Variants in FSTL4 observed in about 807,000 individuals in gnomAD.
The protein encoded by FSTL4 is follistatin like 4, also known as follistatin-related protein 4.
Under a neutral mutation model 78.2 loss-of-function variants are expected in FSTL4, and 28 were observed. The observed-to-expected ratio is 0.36, with a 90% CI of 0.27 to 0.49. The LOEUF (loss-of-function observed/expected upper bound fraction) is 0.49, where lower values mean the gene tolerates loss of function less well. FSTL4 is among the 20% of genes least tolerant of loss of function. The pLI is 0.98. For missense variants in FSTL4, 922 were observed against 1,084.9 expected, an observed-to-expected ratio of 0.85 and a Z score of 2.11; for synonymous variants, 422 against 440.5, an observed-to-expected ratio of 0.96 and a Z score of 0.53.
chr5:133,432,464 C>G (rs1158760932), intron 3 of FSTL4, among the ~76,000 whole-genome samples: 1 of 152,188 alleles, frequency 6.6e-6, no homozygotes, highest in Non-Finnish European at 1.5e-5. Context: ...TTCTCAGGCT[C>G]CCTTCTGCCA....
intron 3 of FSTL4, among the ~76,000 whole-genome samples, chr5:133,540,771 G>A (rs1341082014): frequency 6.7e-6 from 1 of 148,460 alleles, no homozygotes; most frequent in African/African-American, 2.5e-5. Context: ...AAACTAATCT[G>A]GTGGTACTTT....
intron 8 of FSTL4, among the ~76,000 whole-genome samples, chr5:133,228,013 GC>G (rs1751385146): frequency 6.6e-6 from 1 of 152,158 alleles, no homozygotes; most frequent in Admixed American, 6.5e-5. Context: ...GATCCCTTGA[GC>G]CCACATGTTC....
chr5:133,802,396 A>G, the FSTL4 span, among the ~76,000 whole-genome samples: 1 of 152,212 alleles, frequency 6.6e-6, no homozygotes, highest in Non-Finnish European at 1.5e-5. Flanking sequence ...CTTCAGACAC[A>G]GTATCCAGGG....
At chr5:133,217,462 T>C in intron 12 of FSTL4, 84 bp from the exon 13 acceptor site, 3 of 1,256,822 alleles carry the variant, frequency 2.4e-6, no homozygotes, top group Admixed American at 2.1e-5. Flanking sequence ...CTGACCCTCC[T>C]CTGTGCCTTT....
the FSTL4 span, among the ~76,000 whole-genome samples, chr5:133,756,528 AC>A: frequency 3.3e-5 from 5 of 151,940 alleles, no homozygotes; most frequent in African/African-American, 1.2e-4. Context: ...TCTAAATTCC[AC>A]CAGTTTAAGG....
the FSTL4 span, among the ~76,000 whole-genome samples, chr5:133,773,132 A>G: frequency 1.3e-5 from 2 of 152,096 alleles, no homozygotes; most frequent in African/African-American, 4.8e-5. Context: ...CTTTAACAAT[A>G]TTGATCTCAA....
At chr5:133,511,527 A>C (rs1203816555) in intron 3 of FSTL4, among the ~76,000 whole-genome samples, 1 of 152,200 alleles carries the variant, frequency 6.6e-6, no homozygotes, top group East Asian at 1.9e-4. Flanking sequence ...GTCTAACTGG[A>C]GCAAGGGGCA....
At chr5:133,579,690 T>C (rs765352020) in intron 2 of FSTL4, among the ~76,000 whole-genome samples, 1 of 152,246 alleles carries the variant, frequency 6.6e-6, no homozygotes, top group South Asian at 2.1e-4. Context: ...TCCAATCTGC[T>C]ACTTTTCTTT....
chr5:133,651,163 T>C, the FSTL4 span, among the ~76,000 whole-genome samples: 3 of 152,168 alleles, frequency 2.0e-5, no homozygotes, highest in Admixed American at 2.0e-4. Context: ...TCTACATAGA[T>C]GATCATGTCA....
the FSTL4 span, among the ~76,000 whole-genome samples, chr5:133,827,880 A>T: frequency 6.6e-6 from 1 of 152,104 alleles, no homozygotes; most frequent in Non-Finnish European, 1.5e-5. Flanking sequence ...GATTTGCCTC[A>T]AAACTTGAGA....
chr5:133,468,917 C>T, intron 3 of FSTL4, among the ~76,000 whole-genome samples: 1 of 152,192 alleles, frequency 6.6e-6, no homozygotes, highest in Non-Finnish European at 1.5e-5. Flanking sequence ...GAGAGATTCC[C>T]TACAAGTGCA....
At chr5:133,617,832 C>T in the FSTL4 span, among the ~76,000 whole-genome samples, 63,198 of 151,856 alleles carry the variant, frequency 0.42, 13,501 homozygotes, top group African/African-American at 0.51. Context: ...GGCAGAGATA[C>T]GATTAGATGA....
chr5:133,570,459 T>C lies in FSTL4; in HGVS notation c.127-3240A>G, dbSNP rs563262296. Among the ~76,000 whole-genome samples the C allele has an allele frequency of 2.0e-5, 3 of 152,210 alleles. No individual in the cohort carries two copies. The South Asian group carries it at 6.2e-4, about 32-fold the overall frequency. ...TGCCTTAGCCTCCCAGTTCTTCCAC[T>C]TCATTTCTCAGAGACTGACTGAAAG... On this transcript the variant is annotated intron_variant, in intron 2 of 15. Transcript: ENST00000265342.
Position 133,263,416 on chromosome 5 carries a change from C to T in FSTL4, c.728-13840G>A, listed in dbSNP as rs146517038. Among the ~76,000 whole-genome samples, 220 of 151,942 alleles carry T rather than the reference C, an allele frequency of 1.4e-3. 1 individual carries two copies. The highest frequency in any genetic ancestry group is 5.0e-3 in the African/African-American group (206 of 41,422). On this transcript the variant is annotated intron_variant, in intron 6 of 15. Transcript: ENST00000265342. ...TTCTGGGACCCCCAATGTTTAAAGGCGAGAGGATGGGCAGGGGCCAGTGAG... is the reference window on the plus strand; with the variant it reads ...TTCTGGGACCCCCAATGTTTAAAGGTGAGAGGATGGGCAGGGGCCAGTGAG...
chr5:133,256,237 G>A (rs1338581202), intron 6 of FSTL4, among the ~76,000 whole-genome samples: 2 of 152,078 alleles, frequency 1.3e-5, no homozygotes, highest in South Asian at 2.1e-4. Flanking sequence ...CTCTAACTGC[G>A]GCCTCTTCCC....
chr5:133,513,260 A>C (rs973863902), intron 3 of FSTL4, among the ~76,000 whole-genome samples: 35 of 152,230 alleles, frequency 2.3e-4, no homozygotes, highest in African/African-American at 8.4e-4. Flanking sequence ...ACTTATATTC[A>C]CATCATATAT....
chr5:133,442,273 C>T (rs746180101), intron 3 of FSTL4, among the ~76,000 whole-genome samples: 3 of 152,192 alleles, frequency 2.0e-5, no homozygotes, highest in Admixed American at 6.5e-5. Context: ...TTAGGTTACA[C>T]GAAGAGACAA....
the FSTL4 span, among the ~76,000 whole-genome samples, chr5:133,811,007 A>T: frequency 6.6e-6 from 1 of 152,134 alleles, no homozygotes; most frequent in East Asian, 1.9e-4. Context: ...TTAAAAGGAA[A>T]ACCTTACCAG....
intron 6 of FSTL4, among the ~76,000 whole-genome samples, chr5:133,269,184 CAAAAAAAAAAA>C (rs869156118): frequency 8.5e-5 from 5 of 58,990 alleles, no homozygotes; most frequent in Non-Finnish European, 2.2e-4. Context: ...GACTCCATCT[CAAAAAAAAAAA>C]AAAAAAAAAA....
Sources: allele counts gnomAD v4.1 joint callset (sites outside exome capture counted in the v4.1 genomes callset), GRCh38; gene constraint gnomAD v4.1.1; transcripts MANE v1.5; gene names NCBI Gene and HGNC (gene_info 2026-07-23, HGNC 2026-07-21).